The following ZC3H12C variants were observed in gnomAD, a reference collection of about 807,000 sequenced individuals.
ZC3H12C encodes zinc finger CCCH-type containing 12C, also known as probable ribonuclease ZC3H12C.
A neutral mutation model predicts 76.3 loss-of-function variants in ZC3H12C; 20 were observed. The observed-to-expected ratio is 0.26, with a 90% CI of 0.18 to 0.38. The LOEUF is 0.38. ZC3H12C is among the 10% of genes least tolerant of loss of function. ZC3H12C has a pLI of 1.00. For missense variants in ZC3H12C, 874 were observed against 1,086.5 expected (o/e 0.80, Z 2.75); for synonymous variants, 352 against 399.6 (o/e 0.88, Z 1.42).
rs1021162130 is a variant in ZC3H12C, at chr11:110,131,184, A to G, written c.22-5479A>G. On this transcript the variant is annotated intron_variant, in intron 1 of 5. Transcript: ENST00000278590. Reference sequence around the variant, plus strand: ...CAGAGTATTAATTTGAACTCTGTAAAAGAAATCACCTCCAATGAAAGTCTA... The same window carrying G: ...CAGAGTATTAATTTGAACTCTGTAAGAGAAATCACCTCCAATGAAAGTCTA... 7 of 1,084,982 alleles carry G rather than the reference A, an allele frequency of 6.5e-6. No individual in the cohort carries two copies. The Admixed American group carries it at 1.0e-4, about 16-fold the overall frequency. The allele number at this position is 1,084,982 out of a possible 1,614,324, so 67.2% of individuals were successfully genotyped here.
chr11:110,130,374 C>T (rs183039007), intron 1 of ZC3H12C, among the ~76,000 whole-genome samples: 44 of 152,220 alleles, frequency 2.9e-4, no homozygotes, highest in Non-Finnish European at 5.1e-4. Flanking sequence ...GTATTTTCAT[C>T]ATCTCTTCTT....
At chr11:110,161,899 G>T (rs950775676) in intron 4 of ZC3H12C, among the ~76,000 whole-genome samples, 1 of 152,206 alleles carries the variant, frequency 6.6e-6, no homozygotes, top group Non-Finnish European at 1.5e-5. Flanking sequence ...GGGAGGCCAA[G>T]GCAGGTGCAT....
intron 1 of ZC3H12C, chr11:110,135,800 T>C (rs1343623790): frequency 7.0e-6 from 1 of 143,472 alleles, no homozygotes; most frequent in African/African-American, 2.6e-5. Flanking sequence ...CATTATCTAA[T>C]ATGCCTAATT....
chr11:110,119,468 T>C (rs1861615253), intron 1 of ZC3H12C, among the ~76,000 whole-genome samples: 1 of 152,182 alleles, frequency 6.6e-6, no homozygotes, highest in Non-Finnish European at 1.5e-5. Context: ...TGTCTTCTAA[T>C]GCACTACATG....
At chr11:110,110,772 A>T (rs1440054811) in intron 1 of ZC3H12C, among the ~76,000 whole-genome samples, 1 of 152,146 alleles carries the variant, frequency 6.6e-6, no homozygotes, top group African/African-American at 2.4e-5. Flanking sequence ...CCCTCTTTGG[A>T]ATAGAACATA....
At chr11:110,161,284 C>T (rs1380409301) in intron 4 of ZC3H12C, among the ~76,000 whole-genome samples, 3 of 152,182 alleles carry the variant, frequency 2.0e-5, no homozygotes, top group South Asian at 2.1e-4. Context: ...TGTGCTATTA[C>T]GTTACCAGCA....
intron 4 of ZC3H12C, among the ~76,000 whole-genome samples, 158 bp downstream of exon 4, chr11:110,159,648 T>G (rs1038285564): frequency 1.4e-4 from 22 of 152,192 alleles, no homozygotes; most frequent in African/African-American, 5.3e-4. Flanking sequence ...TCAGGAAAAC[T>G]GCAGAATCAT....
chr11:110,153,138 A>G, intron 3 of ZC3H12C, 80 bp downstream of exon 3: 1 of 1,506,420 alleles, frequency 6.6e-7, no homozygotes, highest in South Asian at 1.3e-5. Flanking sequence ...CAGGTATCCT[A>G]AATCCATTTC....
intron 1 of ZC3H12C, chr11:110,124,244 A>G (rs1016089730): frequency 6.6e-5 from 10 of 152,240 alleles, no homozygotes; most frequent in Admixed American, 3.3e-4. Flanking sequence ...AACTTTGCCA[A>G]TGGCCGAGGG....
intron 1 of ZC3H12C, among the ~76,000 whole-genome samples, chr11:110,123,733 T>C (rs1453635449): frequency 6.6e-6 from 1 of 152,228 alleles, no homozygotes. Flanking sequence ...TTAGTAGTTC[T>C]TTATAACAAA....
chr11:110,101,643 G>A (rs922005771), intron 1 of ZC3H12C, among the ~76,000 whole-genome samples: 4 of 151,552 alleles, frequency 2.6e-5, no homozygotes, highest in Non-Finnish European at 5.9e-5. Context: ...TGCCTCCCGG[G>A]TTCAAGCGAT....
chr11:110,125,036 T>C (rs1207632513), intron 1 of ZC3H12C, among the ~76,000 whole-genome samples: 1 of 152,058 alleles, frequency 6.6e-6, no homozygotes, highest in African/African-American at 2.4e-5. Flanking sequence ...ATTAAATGAA[T>C]GAAACAATTG....
intron 3 of ZC3H12C, among the ~76,000 whole-genome samples, chr11:110,154,782 A>T (rs1239307244): frequency 2.9e-4 from 42 of 144,650 alleles, no homozygotes; most frequent in Admixed American, 2.7e-3. Context: ...TAAGGAAAAA[A>T]AAATCCAACA....
chr11:110,100,740 C>T (rs751433486), intron 1 of ZC3H12C, among the ~76,000 whole-genome samples: 3 of 152,132 alleles, frequency 2.0e-5, no homozygotes, highest in Non-Finnish European at 2.9e-5. Flanking sequence ...ATCGACCAGC[C>T]GTTGCCCTGT....
chr11:110,106,272 A>AAAATAAAT lies in ZC3H12C; in HGVS notation c.21+12864_21+12871dup, dbSNP rs572073243. Among the ~76,000 whole-genome samples the AAAATAAAT allele has an allele frequency of 1.0e-3, 19 of 18,246 alleles. 6 individuals carry two copies. The highest frequency in any genetic ancestry group is 2.3e-3 in the African/African-American group (10 of 4,314). The allele number at this position is 18,246 out of a possible 152,430, so 12.0% of individuals were successfully genotyped here. ...GACAGAGCGAGACTCCGTCTCAAAA[A>AAAATAAAT]AAATAAATAAATAAATAAATAAATA... is the stretch of plus-strand genomic sequence containing the variant. On this transcript the variant is annotated intron_variant, in intron 1 of 5. Transcript: ENST00000278590.
intron 1 of ZC3H12C, among the ~76,000 whole-genome samples, chr11:110,095,288 AT>A (rs1238746724): frequency 6.6e-6 from 1 of 152,196 alleles, no homozygotes; most frequent in East Asian, 1.9e-4. Flanking sequence ...TGTTTAAAAC[AT>A]TTTTCTCATT....
At chr11:110,152,129 G>A (rs1862282911) in intron 2 of ZC3H12C, among the ~76,000 whole-genome samples, 1 of 152,110 alleles carries the variant, frequency 6.6e-6, no homozygotes, top group Admixed American at 6.5e-5. Flanking sequence ...ATTGGGATGG[G>A]TATCATTTTT....
chr11:110,137,132 C>G lies in ZC3H12C; in HGVS notation c.491C>G (p.Thr164Arg), dbSNP rs750555920. ...KPPDVVREYQTKLEFALKLGY... is the reference protein window; with the variant it reads ...KPPDVVREYQRKLEFALKLGY... ...CCTGATGTGGTGCGAGAATACCAAA[C>G]AAAACTGGAGTTTGCACTTAAGTTA... Residue 164 changes from threonine to arginine, a missense_variant, in exon 2 of 6, where the codon ACA becomes AGA. Physicochemically the swap from Thr to Arg is moderately conservative, Grantham distance 71. Coordinates refer to ENST00000278590, the MANE Select transcript of ZC3H12C (RefSeq NM_033390.2). The G allele has an allele frequency of 6.2e-7, 1 of 1,613,806 alleles. No homozygotes were observed. The highest frequency in any genetic ancestry group is 1.1e-5 in the South Asian group (1 of 91,036).
chr11:110,165,476 T>TA lies in ZC3H12C; in HGVS notation c.2393dup (p.Asn798LysfsTer8). On this transcript the variant is annotated frameshift_variant, in exon 6 of 6. Transcript: ENST00000278590. LOFTEE classifies it high-confidence loss of function. ...ACCGGCAGACTTATTCCTTGCCCGA[T>TA]AACTCCACACAGCCGTGTTATGAGC... 1 of 1,614,020 alleles carries TA rather than the reference T, an allele frequency of 6.2e-7. No individual in the cohort carries two copies. Among genetic ancestry groups the TA allele is most frequent in the Non-Finnish European group, 8.5e-7 (1 of 1,179,886 alleles).
Sources: gnomAD v4.1 joint callset for allele counts (sites outside exome capture counted in the v4.1 genomes callset) on GRCh38, gnomAD v4.1.1 for gene constraint, MANE v1.5 for transcripts, NCBI Gene and HGNC (gene_info 2026-07-23, HGNC 2026-07-21) for gene names.